FAM90A20: variants seen among roughly 807,000 people sequenced by gnomAD.
FAM90A20 encodes family with sequence similarity 90 member A20.
At chr8:7,295,650 G>T in the FAM90A20 span, 1 of 691,258 alleles carries the variant, frequency 1.4e-6, no homozygotes, top group African/African-American at 3.3e-5. Context: ...AAAAACTGCG[G>T]GGCCTTTGGC....
chr8:7,297,475 C>A, the FAM90A20 span: 7 of 1,541,554 alleles, frequency 4.5e-6, 1 homozygote, highest in Non-Finnish European at 6.1e-6. Context: ...GCCTAGGCTC[C>A]AATCTCAGCT....
chr8:7,297,249 C>T, the FAM90A20 span: 16 of 1,454,640 alleles, frequency 1.1e-5, no homozygotes, highest in East Asian at 6.8e-5. Flanking sequence ...ACAGGGGCTG[C>T]CGCCGACATC....
chr8:7,296,045 T>G, the FAM90A20 span, among the ~76,000 whole-genome samples: 1 of 129,636 alleles, frequency 7.7e-6, no homozygotes, highest in Admixed American at 7.0e-5. Flanking sequence ...GGGCGCTTCA[T>G]GCAGGTTCCC....
At chr8:7,297,486 T>G in the FAM90A20 span, 1 of 1,537,066 alleles carries the variant, frequency 6.5e-7, no homozygotes, top group Non-Finnish European at 8.8e-7. Context: ...AATCTCAGCT[T>G]TGGGTCAGGA....
the FAM90A20 span, chr8:7,296,479 G>A: frequency 7.5e-6 from 5 of 666,764 alleles, 1 homozygote; most frequent in African/African-American, 1.0e-4. Flanking sequence ...GTCTGCGGGA[G>A]GAAATCGGGG....
At chr8:7,297,359 G>C in the FAM90A20 span, 13 of 1,437,226 alleles carry the variant, frequency 9.0e-6, no homozygotes, top group Non-Finnish European at 1.2e-5. Flanking sequence ...TCCCCAGGCT[G>C]CCTCCAAAAC....
chr8:7,296,092 G>T, the FAM90A20 span, among the ~76,000 whole-genome samples: 3 of 130,778 alleles, frequency 2.3e-5, 1 homozygote, highest in African/African-American at 1.2e-4. Context: ...CCAAATCACA[G>T]TCCTTAGTTG....
At chr8:7,297,327 C>A in the FAM90A20 span, 5 of 1,366,858 alleles carry the variant, frequency 3.7e-6, no homozygotes, top group African/African-American at 2.1e-5. Flanking sequence ...CACAGCAGCC[C>A]TGAGGGTAGC....
the FAM90A20 span, chr8:7,297,358 T>G: frequency 9.1e-6 from 13 of 1,433,658 alleles, 2 homozygotes; most frequent in African/African-American, 2.1e-5. Context: ...TTCCCCAGGC[T>G]GCCTCCAAAA....
chr8:7,297,510 C>A, the FAM90A20 span: 2 of 1,511,582 alleles, frequency 1.3e-6, no homozygotes, highest in Non-Finnish European at 1.8e-6. Context: ...AAGAGACCTG[C>A]CCAGGCTCCG....
chr8:7,297,650 G>A, the FAM90A20 span: 1 of 1,394,132 alleles, frequency 7.2e-7, no homozygotes, highest in South Asian at 1.1e-5. Context: ...AACCGAACTT[G>A]GACCAAGTAG....
chr8:7,296,807 C>A, the FAM90A20 span, among the ~76,000 whole-genome samples: 31 of 136,154 alleles, frequency 2.3e-4, 10 homozygotes, highest in African/African-American at 9.1e-4. Flanking sequence ...GCACTTTGAT[C>A]CAGTTAATGC....
the FAM90A20 span, among the ~76,000 whole-genome samples, chr8:7,296,683 G>C: frequency 1.5e-5 from 2 of 135,496 alleles, no homozygotes; most frequent in Non-Finnish European, 3.0e-5. Context: ...CGTGGAGAAG[G>C]CTAAACCCAG....
At chr8:7,295,722 C>A in the FAM90A20 span, 14 of 954,356 alleles carry the variant, frequency 1.5e-5, no homozygotes, top group Non-Finnish European at 2.1e-5. Flanking sequence ...GTTCCAGCGA[C>A]CTTGGGGAAA....
the FAM90A20 span, among the ~76,000 whole-genome samples, chr8:7,296,689 C>G: frequency 1.5e-5 from 2 of 135,592 alleles, no homozygotes; most frequent in African/African-American, 7.1e-5. Flanking sequence ...GAAGGCTAAA[C>G]CCAGGAACAT....
At chr8:7,297,016 C>G in the FAM90A20 span, 916 of 1,432,542 alleles carry the variant, frequency 6.4e-4, 265 homozygotes, top group African/African-American at 0.016. Flanking sequence ...TTCATGTTGG[C>G]TCCATGCTGA....
the FAM90A20 span, chr8:7,296,285 G>C: frequency 4.1e-5 from 30 of 727,162 alleles, 3 homozygotes; most frequent in Admixed American, 1.6e-4. Flanking sequence ...TTTCTGTTCT[G>C]CAGGCAACAA....
At chr8:7,297,307 G>T in the FAM90A20 span, 9 of 1,353,804 alleles carry the variant, frequency 6.6e-6, no homozygotes, top group South Asian at 1.2e-5. Flanking sequence ...TCCTCGTGGT[G>T]GAGCCGACAC....
At chr8:7,296,969 C>A in the FAM90A20 span, 17 of 1,125,738 alleles carry the variant, frequency 1.5e-5, 2 homozygotes, top group Non-Finnish European at 2.0e-5. Context: ...CTAAGAATTT[C>A]ATGGTGTGTG....
Sources: allele counts gnomAD v4.1 joint callset (sites outside exome capture counted in the v4.1 genomes callset), GRCh38; gene constraint gnomAD v4.1.1; transcripts MANE v1.5; gene names NCBI Gene and HGNC (gene_info 2026-07-23, HGNC 2026-07-21).